Variants in TRDN observed in about 807,000 individuals in gnomAD.
TRDN encodes the protein triadin in skeletal muscle.
A neutral mutation model predicts 149.7 loss-of-function variants in TRDN; 161 were observed. The ratio of observed to expected loss-of-function variants is 1.08; its 90% confidence interval spans 0.95 to 1.23. TRDN has a LOEUF of 1.23. TRDN is among the 50% of genes most tolerant of loss of function. The pLI, the probability that TRDN is intolerant of heterozygous loss-of-function variation, is 0.00. For synonymous variants in TRDN, 294 were observed against 250.5 expected, an observed-to-expected ratio of 1.17 and a Z score of -1.64; for missense variants, 896 against 823.5, an observed-to-expected ratio of 1.09 and a Z score of -1.08.
chr6:123,433,696 A>T (rs937445151), intron 12 of TRDN, among the ~76,000 whole-genome samples: 8 of 152,170 alleles, frequency 5.3e-5, no homozygotes, highest in Non-Finnish European at 1.0e-4. Flanking sequence ...TACCATTATC[A>T]ATAGTTATTT....
chr6:123,409,312 G>A (rs117679178), intron 12 of TRDN, among the ~76,000 whole-genome samples: 57 of 152,274 alleles, frequency 3.7e-4, no homozygotes, highest in Non-Finnish European at 6.2e-4. Context: ...ATGGGTAGTA[G>A]TCAGCAACAC....
At chr6:123,361,566 C>A (rs1289225247) in intron 20 of TRDN, among the ~76,000 whole-genome samples, 1 of 151,664 alleles carries the variant, frequency 6.6e-6, no homozygotes, top group Non-Finnish European at 1.5e-5. Context: ...ATAAAAACAC[C>A]AGCTACTATA....
At chr6:123,312,589 G>A (rs1778867020) in intron 24 of TRDN, among the ~76,000 whole-genome samples, 1 of 151,920 alleles carries the variant, frequency 6.6e-6, no homozygotes, top group Non-Finnish European at 1.5e-5. Context: ...TTAAGTTTTG[G>A]ATAAGTCAAA....
chr6:123,460,880 A>G (rs1048271093), intron 10 of TRDN, among the ~76,000 whole-genome samples: 1 of 152,164 alleles, frequency 6.6e-6, no homozygotes, highest in Non-Finnish European at 1.5e-5. Flanking sequence ...TTGAGGTTTC[A>G]CTTGATAACC....
intron 20 of TRDN, among the ~76,000 whole-genome samples, chr6:123,357,291 T>C (rs1780719602): frequency 6.6e-6 from 1 of 152,060 alleles, no homozygotes; most frequent in Admixed American, 6.5e-5. Flanking sequence ...TATGTCTTGA[T>C]AATAAATATT....
intron 31 of TRDN, 107 bp from the exon 32 acceptor site, chr6:123,267,858 A>T: frequency 1.3e-6 from 1 of 747,248 alleles, no homozygotes; most frequent in African/African-American, 1.8e-5. Context: ...GGCATGCCCC[A>T]AAGTCATTTT....
At chr6:123,261,974 T>A (rs1326473609) in intron 33 of TRDN, among the ~76,000 whole-genome samples, 1 of 151,924 alleles carries the variant, frequency 6.6e-6, no homozygotes, top group African/African-American at 2.4e-5. Context: ...AGAAAACAGG[T>A]TAGTTCTGGG....
intron 9 of TRDN, among the ~76,000 whole-genome samples, chr6:123,494,648 T>G (rs1279801753): frequency 6.6e-6 from 1 of 152,180 alleles, no homozygotes; most frequent in African/African-American, 2.4e-5. Flanking sequence ...AAACACCTAG[T>G]TGACTTTACA....
At chr6:123,278,896 T>A in intron 25 of TRDN, among the ~76,000 whole-genome samples, 160 bp downstream of exon 25, 1 of 152,166 alleles carries the variant, frequency 6.6e-6, no homozygotes, top group East Asian at 1.9e-4. Flanking sequence ...CAGAAATACA[T>A]GTAAGAAAAT....
At chr6:123,518,445 T>C (rs972618143) in intron 5 of TRDN, among the ~76,000 whole-genome samples, 1 of 152,170 alleles carries the variant, frequency 6.6e-6, no homozygotes. Context: ...AGATAAGCTG[T>C]GCTTTCAGAG....
chr6:123,304,059 T>C (rs1778519038), intron 24 of TRDN, among the ~76,000 whole-genome samples: 1 of 151,914 alleles, frequency 6.6e-6, no homozygotes, highest in Non-Finnish European at 1.5e-5. Context: ...CCAATGTAAC[T>C]GAATGGCAAG....
chr6:123,580,227 A>G (rs1189770278), intron 1 of TRDN, among the ~76,000 whole-genome samples: 5 of 152,050 alleles, frequency 3.3e-5, no homozygotes, highest in African/African-American at 1.2e-4. Context: ...TTACATTTTC[A>G]ATTTAGCAGG....
At chr6:123,522,403 A>C (rs1412430359) in intron 5 of TRDN, among the ~76,000 whole-genome samples, 3 of 149,272 alleles carry the variant, frequency 2.0e-5, no homozygotes, top group Non-Finnish European at 4.4e-5. Flanking sequence ...AATTGCAAAA[A>C]AATAAGGCAA....
intron 13 of TRDN, among the ~76,000 whole-genome samples, chr6:123,392,039 A>G (rs1190204013): frequency 6.6e-6 from 1 of 152,056 alleles, no homozygotes; most frequent in African/African-American, 2.4e-5. Flanking sequence ...TGTCATTTTT[A>G]TTTTAGTAAA....
rs77228887 is a variant in TRDN, at chr6:123,534,068, A to T, written c.425-3503T>A. Among the ~76,000 whole-genome samples, 527 of 152,218 alleles carry T rather than the reference A, an allele frequency of 3.5e-3. 25 individuals carry two copies. In the East Asian group the frequency reaches 0.091, roughly 26 times the overall value. ...CTAAGACAACCTCACTGCTGTGGGCAGATGCAGGCAGTTGTTTTGCAAGCA... is the reference window on the plus strand; with the variant it reads ...CTAAGACAACCTCACTGCTGTGGGCTGATGCAGGCAGTTGTTTTGCAAGCA... On this transcript the variant is annotated intron_variant, in intron 4 of 40. Coordinates refer to ENST00000334268, the MANE Select transcript of TRDN (RefSeq NM_006073.4).
intron 4 of TRDN, among the ~76,000 whole-genome samples, chr6:123,535,134 T>G (rs971730345): frequency 6.6e-6 from 1 of 152,174 alleles, no homozygotes; most frequent in African/African-American, 2.4e-5. Flanking sequence ...TATGAGTTTC[T>G]ATTTGAATTT....
At chr6:123,225,513 G>T (rs1008330607) in intron 38 of TRDN, among the ~76,000 whole-genome samples, 2 of 148,650 alleles carry the variant, frequency 1.3e-5, no homozygotes, top group African/African-American at 4.9e-5. Flanking sequence ...TCACCACACA[G>T]ACACACACAC....
intron 8 of TRDN, chr6:123,502,901 A>G: frequency 1.0e-6 from 1 of 985,306 alleles, no homozygotes; most frequent in African/African-American, 1.7e-5. Context: ...TGGAGTCAGG[A>G]ATGGACTTAG....
chr6:123,474,892 A>G (rs1777384345), intron 9 of TRDN, among the ~76,000 whole-genome samples: 1 of 152,198 alleles, frequency 6.6e-6, no homozygotes, highest in African/African-American at 2.4e-5. Flanking sequence ...ACAAAGACAC[A>G]ACATACCAGA....
Sources: gnomAD v4.1 joint callset for allele counts (sites outside exome capture counted in the v4.1 genomes callset) on GRCh38, gnomAD v4.1.1 for gene constraint, MANE v1.5 for transcripts, NCBI Gene and HGNC (gene_info 2026-07-23, HGNC 2026-07-21) for gene names.